ZNF438: variants seen among roughly 807,000 people sequenced by gnomAD.
ZNF438 encodes zinc finger protein 438.
Under a neutral mutation model 38.0 loss-of-function variants are expected in ZNF438, and 25 were observed. That is an observed-to-expected ratio of 0.66 (90% CI 0.48 to 0.92). The LOEUF is 0.92. Among genes scored for constraint, ZNF438 ranks in the 40% least tolerant of loss-of-function variants. The probability of loss-of-function intolerance (pLI) is 0.00; values close to 1 mark genes in which losing one functional copy is unlikely to be tolerated. For missense variants in ZNF438, 1,007 were observed against 999.6 expected, an observed-to-expected ratio of 1.01 and a Z score of -0.10; for synonymous variants, 372 against 364.1, an observed-to-expected ratio of 1.02 and a Z score of -0.25.
chr10:30,981,664 T>C (rs572359439), intron 1 of ZNF438, among the ~76,000 whole-genome samples: 32 of 152,052 alleles, frequency 2.1e-4, no homozygotes, highest in Non-Finnish European at 2.9e-4. Flanking sequence ...GATCATGAGA[T>C]CAGGAGTTCG....
intron 1 of ZNF438, among the ~76,000 whole-genome samples, chr10:30,953,927 A>C (rs2048559337): frequency 6.6e-6 from 1 of 152,142 alleles, no homozygotes; most frequent in Non-Finnish European, 1.5e-5. Context: ...ATGGATCATG[A>C]GGTCAGGAGT....
exon 5 of ZNF438, chr10:30,850,158 T>A: frequency 6.2e-7 from 1 of 1,614,124 alleles, no homozygotes; most frequent in South Asian, 1.1e-5. Context: ...GCAACCTGCA[T>A]CAGGGCATAG....
chr10:30,847,446 C>A (rs2032473399), intron 5 of ZNF438, among the ~76,000 whole-genome samples: 1 of 152,228 alleles, frequency 6.6e-6, no homozygotes, highest in Non-Finnish European at 1.5e-5. Flanking sequence ...CTGAGCTGTT[C>A]TATCACTCAA....
intron 3 of ZNF438, among the ~76,000 whole-genome samples, chr10:30,886,235 C>T (rs1294962755): frequency 1.3e-5 from 2 of 152,104 alleles, no homozygotes; most frequent in Non-Finnish European, 2.9e-5. Context: ...CCACCTTTTT[C>T]TTTTGCCATA....
intron 1 of ZNF438, among the ~76,000 whole-genome samples, chr10:31,026,109 C>CAA (rs2056920816): frequency 6.6e-6 from 1 of 152,098 alleles, no homozygotes; most frequent in Non-Finnish European, 1.5e-5. Flanking sequence ...TAAAGACTTA[C>CAA]ATGTTAGACC....
intron 1 of ZNF438, among the ~76,000 whole-genome samples, chr10:30,970,386 A>G (rs930254748): frequency 6.6e-6 from 1 of 152,168 alleles, no homozygotes; most frequent in African/African-American, 2.4e-5. Flanking sequence ...TTTATAAAAC[A>G]CTTAGCAATG....
intron 2 of ZNF438, among the ~76,000 whole-genome samples, chr10:30,936,537 G>A (rs1379253671): frequency 6.6e-6 from 1 of 152,168 alleles, no homozygotes; most frequent in Non-Finnish European, 1.5e-5. Context: ...AGCCAGGCAT[G>A]GTGGCAGGTG....
intron 1 of ZNF438, among the ~76,000 whole-genome samples, chr10:30,966,828 TG>T (rs1474078978): frequency 6.6e-6 from 1 of 152,182 alleles, no homozygotes; most frequent in Non-Finnish European, 1.5e-5. Context: ...CCCACCCCCC[TG>T]TAAAACTGTA....
chr10:31,026,735 G>T (rs937358560), intron 1 of ZNF438, among the ~76,000 whole-genome samples: 1 of 152,028 alleles, frequency 6.6e-6, no homozygotes, highest in Non-Finnish European at 1.5e-5. Flanking sequence ...GCCATCCCAT[G>T]ACTGGGTATA....
chr10:30,999,142 C>T (rs1484556606), intron 1 of ZNF438, among the ~76,000 whole-genome samples: 1 of 152,086 alleles, frequency 6.6e-6, no homozygotes, highest in Non-Finnish European at 1.5e-5. Flanking sequence ...GCTTTTGAAG[C>T]CCAAAACATT....
At chr10:30,866,586 G>A (rs1209054247) in intron 4 of ZNF438, among the ~76,000 whole-genome samples, 18 of 152,166 alleles carry the variant, frequency 1.2e-4, no homozygotes, top group Admixed American at 1.2e-3. Context: ...TGTAATCCCA[G>A]CACTTTGGGA....
At chr10:30,895,334 C>T (rs1017090446) in intron 3 of ZNF438, among the ~76,000 whole-genome samples, 1 of 152,174 alleles carries the variant, frequency 6.6e-6, no homozygotes, top group Non-Finnish European at 1.5e-5. Context: ...CAAGAGTTCA[C>T]TTTCAGGAGT....
chr10:30,941,614 C>T (rs916657658), exon 2 of ZNF438: 2 of 152,104 alleles, frequency 1.3e-5, no homozygotes, highest in Non-Finnish European at 2.9e-5. Context: ...CTAACTTTAA[C>T]ACTTCAGTAC....
At chr10:30,913,942 C>A (rs1174213557) in intron 2 of ZNF438, among the ~76,000 whole-genome samples, 1 of 152,036 alleles carries the variant, frequency 6.6e-6, no homozygotes, top group Non-Finnish European at 1.5e-5. Context: ...CAAATCCAAT[C>A]CAAATGACTA....
chr10:31,002,714 T>C (rs1346408785), intron 1 of ZNF438, among the ~76,000 whole-genome samples: 1 of 152,228 alleles, frequency 6.6e-6, no homozygotes, highest in African/African-American at 2.4e-5. Flanking sequence ...TCTTAATTCA[T>C]TTTAATTCAG....
At chr10:30,944,121 G>C (rs1184614105) in intron 1 of ZNF438, among the ~76,000 whole-genome samples, 1 of 152,118 alleles carries the variant, frequency 6.6e-6, no homozygotes, top group Non-Finnish European at 1.5e-5. Flanking sequence ...TAAGTTGTAG[G>C]TGACAAAACA....
At chr10:30,847,801 G>A (rs1403268702) in intron 5 of ZNF438, among the ~76,000 whole-genome samples, 1 of 152,246 alleles carries the variant, frequency 6.6e-6, no homozygotes, top group African/African-American at 2.4e-5. Flanking sequence ...CTGGCCTGCA[G>A]CAGCAGCCGG....
intron 3 of ZNF438, among the ~76,000 whole-genome samples, chr10:30,885,637 T>C (rs2063061493): frequency 6.6e-6 from 1 of 152,204 alleles, no homozygotes; most frequent in Non-Finnish European, 1.5e-5. Flanking sequence ...TTTCCATATA[T>C]ACACTCCTCA....
intron 3 of ZNF438, among the ~76,000 whole-genome samples, chr10:30,900,416 C>T (rs1302789757): frequency 2.0e-5 from 3 of 152,098 alleles, no homozygotes; most frequent in Admixed American, 6.5e-5. Flanking sequence ...AAACCACCAC[C>T]ACCAATAACC....
Sources: gnomAD v4.1 joint callset for allele counts (sites outside exome capture counted in the v4.1 genomes callset) on GRCh38, gnomAD v4.1.1 for gene constraint, MANE v1.5 for transcripts, NCBI Gene and HGNC (gene_info 2026-07-23, HGNC 2026-07-21) for gene names.